ANKS6: variants seen among roughly 807,000 people sequenced by gnomAD.
The protein encoded by ANKS6 is ankyrin repeat and SAM domain-containing protein 6.
In ANKS6, 47 loss-of-function variants were observed where a neutral mutation model predicts 77.9. The observed-to-expected ratio is 0.60, with a 90% CI of 0.48 to 0.77. The LOEUF is 0.77. Among genes scored for constraint, ANKS6 ranks in the 30% least tolerant of loss-of-function variants. The pLI is 0.00. For missense variants in ANKS6, 1,150 were observed against 1,159.1 expected, an observed-to-expected ratio of 0.99 and a Z score of 0.11; for synonymous variants, 488 against 501.7, an observed-to-expected ratio of 0.97 and a Z score of 0.37.
At chr9:98,771,264 C>T (rs1833611907) in intron 9 of ANKS6, among the ~76,000 whole-genome samples, 1 of 152,224 alleles carries the variant, frequency 6.6e-6, no homozygotes, top group South Asian at 2.1e-4. Context: ...GAATCCATGT[C>T]ACATCATTTC....
chr9:98,771,693 G>A (rs1039943987), intron 9 of ANKS6, among the ~76,000 whole-genome samples: 4 of 152,028 alleles, frequency 2.6e-5, no homozygotes, highest in African/African-American at 9.7e-5. Context: ...CATGGACCCG[G>A]CGGCTCCCCC....
chr9:98,754,879 C>T (rs755030571), intron 12 of ANKS6, among the ~76,000 whole-genome samples: 9 of 152,042 alleles, frequency 5.9e-5, no homozygotes, highest in Non-Finnish European at 1.3e-4. Flanking sequence ...AGAGTGGGTA[C>T]AAACAGTCCA....
intron 10 of ANKS6, among the ~76,000 whole-genome samples, chr9:98,769,651 C>CA (rs1339093345): frequency 6.6e-6 from 1 of 152,140 alleles, no homozygotes; most frequent in Admixed American, 6.5e-5. Flanking sequence ...CACGTGGTTC[C>CA]AAGAACAGGC....
intron 10 of ANKS6, among the ~76,000 whole-genome samples, chr9:98,770,524 C>T (rs1833558853): frequency 6.6e-6 from 1 of 152,086 alleles, no homozygotes; most frequent in South Asian, 2.1e-4. Context: ...AAATCTCTTG[C>T]CCATTGTGAA....
chr9:98,757,993 GTAAA>G (rs1464689450), intron 11 of ANKS6, among the ~76,000 whole-genome samples: 2 of 151,986 alleles, frequency 1.3e-5, no homozygotes, highest in African/African-American at 4.8e-5. Context: ...AAGTTTTTGG[GTAAA>G]TATTTATTAA....
intron 9 of ANKS6, among the ~76,000 whole-genome samples, chr9:98,772,404 C>T (rs767563067): frequency 2.0e-5 from 3 of 152,062 alleles, no homozygotes; most frequent in Non-Finnish European, 4.4e-5. Context: ...GGGAGCAGGG[C>T]CCTGCTGACA....
chr9:98,764,603 G>A (rs1833174235), intron 11 of ANKS6, among the ~76,000 whole-genome samples: 1 of 152,100 alleles, frequency 6.6e-6, no homozygotes, highest in Admixed American at 6.6e-5. Context: ...AAACTCTACT[G>A]ACCTAACTTC....
Position 98,768,181 on chromosome 9 carries a change from T to C in ANKS6, c.2042A>G (p.Gln681Arg). Residue 681 changes from glutamine (Q) to arginine (R), a missense_variant, in exon 11 of 15, where the codon CAG (glutamine) becomes CGG (arginine). By Grantham distance (43) the Gln-to-Arg change is conservative (BLOSUM62 1). Transcript: ENST00000353234. ...QRKKAAGLLEQKPSHRSSPVG... is the reference protein window; with the variant it reads ...QRKKAAGLLERKPSHRSSPVG... ...AGGGCTTGACCGATGGCTGGGTTTC[T>C]GCTCCAATAATCCGGCTGCTTTTTT... 1 of 1,614,120 alleles carries C rather than the reference T, an allele frequency of 6.2e-7. No individual in the cohort carries two copies. Among genetic ancestry groups the C allele is most frequent in the Non-Finnish European group, 8.5e-7 (1 of 1,180,038 alleles).
At position 98,737,269 on chromosome 9, in the gene ANKS6, A is replaced by G. The variant is rs186090082; in HGVS notation, c.2512-646T>C. 1.4e-3 allele frequency among the ~76,000 whole-genome samples: 214 copies of G among 152,326 alleles called. 1 individual carries two copies. Among genetic ancestry groups the G allele is most frequent in the Admixed American group, 0.013 (197 of 15,302 alleles). On this transcript the variant is annotated intron_variant, in intron 14 of 14. Transcript: ENST00000353234. ...AGACTGCGTCCTAGCCAGAGCAATCAGACAGGAAGTCAAACTGTCGCTGTT... is the reference window on the plus strand; with the variant it reads ...AGACTGCGTCCTAGCCAGAGCAATCGGACAGGAAGTCAAACTGTCGCTGTT...
At chr9:98,793,411 T>A (rs1039119732) in intron 1 of ANKS6, among the ~76,000 whole-genome samples, 1 of 152,216 alleles carries the variant, frequency 6.6e-6, no homozygotes, top group Non-Finnish European at 1.5e-5. Context: ...AGGATGACAA[T>A]AGTACCTCCT....
intron 6 of ANKS6, among the ~76,000 whole-genome samples, chr9:98,779,059 ACAGT>A (rs1419649882): frequency 6.6e-6 from 1 of 152,184 alleles, no homozygotes; most frequent in Non-Finnish European, 1.5e-5. Context: ...TGAGAACAAC[ACAGT>A]CAGGAAGGAT....
At chr9:98,795,624 A>G (rs2118212572) in intron 1 of ANKS6, among the ~76,000 whole-genome samples, 1 of 152,262 alleles carries the variant, frequency 6.6e-6, no homozygotes, top group South Asian at 2.1e-4. Flanking sequence ...AGGTATCCGC[A>G]GGTCTCCACG....
chr9:98,732,545 C>CAA lies in ANKS6; in HGVS notation c.*3972_*3973dup, dbSNP rs1318417266. On this transcript the variant is annotated 3_prime_UTR_variant, in exon 15 of 15. Coordinates refer to ENST00000353234, the MANE Select transcript of ANKS6 (RefSeq NM_173551.5). ...GCAGTTTCTTCTGGCCTCACCCACC[C>CAA]AACCATGGCTACGTCAGGGCAGAAG... is the stretch of plus-strand genomic sequence containing the variant. The CAA allele has an allele frequency of 6.4e-7, 1 of 1,550,520 alleles. No homozygotes were observed. The highest frequency in any genetic ancestry group is 8.7e-7 in the Non-Finnish European group (1 of 1,147,012).
At chr9:98,777,327 C>T (rs908678184) in intron 8 of ANKS6, 78 bp downstream of exon 8, 244 of 1,487,336 alleles carry the variant, frequency 1.6e-4, no homozygotes, top group Non-Finnish European at 2.2e-4. Flanking sequence ...CAGACAAACA[C>T]CTACATCCCT....
chr9:98,732,851 C>T lies in ANKS6; in HGVS notation c.*3668G>A, dbSNP rs1282312941. ...AGGACTAAAAACAGAAAAACAGGCA[C>T]CCAACTGACCCTTCCTCCCTGACGA... On this transcript the variant is annotated 3_prime_UTR_variant, in exon 15 of 15. Transcript: ENST00000353234. 3.3e-6 allele frequency: 4 copies of T among 1,203,840 alleles called. No homozygotes were observed. Among genetic ancestry groups the T allele is most frequent in the Non-Finnish European group, 4.1e-6 (4 of 964,764 alleles). 74.6% of individuals were successfully genotyped at this position (1,203,840 alleles called of 1,614,324 possible). A position where few individuals can be genotyped will look rare whatever the true frequency, so the allele number is the denominator to read the frequency against.
intron 10 of ANKS6, 105 bp downstream of exon 10, chr9:98,770,791 G>A (rs1437850192): frequency 2.8e-5 from 33 of 1,170,354 alleles, no homozygotes; most frequent in African/African-American, 8.0e-5. Context: ...TGCCTCTTGC[G>A]TGGTCATTTC....
Position 98,773,930 on chromosome 9 carries a change from G to T in ANKS6, c.1768C>A (p.Leu590Met). ...NGKADPMKTA[L>M]PQRASRGHPV... is the part of the protein sequence containing the mutation. ...TGGCCCCTGCTGGCTCTCTGGGGCA[G>T]CGCAGTCTTCATGGGGTCTGCCTTC... Residue 590 changes from leucine to methionine, a missense_variant, in exon 9 of 15, where the codon CTG becomes ATG. By Grantham distance (15) the Leu-to-Met change is conservative. Transcript: ENST00000353234. 6.3e-7 allele frequency: 1 copy of T among 1,598,360 alleles called. No homozygotes were observed.
chr9:98,794,823 C>A (rs1445546455), intron 1 of ANKS6, among the ~76,000 whole-genome samples: 1 of 152,242 alleles, frequency 6.6e-6, no homozygotes, highest in East Asian at 1.9e-4. Context: ...CACTGGGGAG[C>A]CTCTTCTCAC....
At chr9:98,751,722 C>A (rs1832438385) in intron 12 of ANKS6, among the ~76,000 whole-genome samples, 1 of 152,166 alleles carries the variant, frequency 6.6e-6, no homozygotes, top group Non-Finnish European at 1.5e-5. Flanking sequence ...TATTTACTCA[C>A]ACATTCAATA....
Sources: gnomAD v4.1 joint callset for allele counts (sites outside exome capture counted in the v4.1 genomes callset) on GRCh38, gnomAD v4.1.1 for gene constraint, MANE v1.5 for transcripts, NCBI Gene and HGNC (gene_info 2026-07-23, HGNC 2026-07-21) for gene names.